Variants in FAS observed in about 807,000 individuals in gnomAD.
The protein encoded by FAS is tumor necrosis factor receptor superfamily member 6.
Under a neutral mutation model 33.2 loss-of-function variants are expected in FAS, and 5 were observed. That is an observed-to-expected ratio of 0.15 (90% confidence interval 0.08 to 0.32). The LOEUF (loss-of-function observed/expected upper bound fraction) is 0.32. FAS is among the 10% of genes least tolerant of loss of function. The pLI is 1.00. For missense variants in FAS, 339 were observed against 386.0 expected (o/e 0.88, Z 1.02); for synonymous variants, 131 against 130.7 (o/e 1.00, Z -0.01).
chr10:88,971,855 A>T (rs924474819), intron 1 of FAS, among the ~76,000 whole-genome samples: 1 of 151,856 alleles, frequency 6.6e-6, no homozygotes, highest in African/African-American at 2.4e-5. Context: ...CTAACAGTTT[A>T]TTTAAGCCAA....
chr10:89,012,204 G>GCAAGACTCCA, intron 7 of FAS, 123 bp downstream of exon 7: 4 of 859,730 alleles, frequency 4.7e-6, no homozygotes, highest in Non-Finnish European at 7.5e-6. Flanking sequence ...TTGAGATGGA[G>GCAAGACTCCA]TCTTGCTCCA....
At chr10:88,974,149 C>T (rs959798) in intron 2 of FAS, 1 of 151,810 alleles carries the variant, frequency 6.6e-6, no homozygotes, top group Non-Finnish European at 1.5e-5. Flanking sequence ...GCTTTAAATT[C>T]TTCTTAAATT....
At chr10:89,007,919 G>A (rs1848325384) in intron 3 of FAS, 82 bp downstream of exon 3, 1 of 1,592,478 alleles carries the variant, frequency 6.3e-7, no homozygotes, top group African/African-American at 1.3e-5. Context: ...TGAAATTGGG[G>A]CCTACTGTGG....
At chr10:88,982,447 G>A (rs1200938690), upstream of FAS, among the ~76,000 whole-genome samples, 1 of 151,222 alleles carries the variant, frequency 6.6e-6, no homozygotes, top group African/African-American at 2.4e-5. Flanking sequence ...TTTGAAATGA[G>A]GAAAGGAAGA....
At chr10:89,003,986 G>A (rs1415770479) in intron 2 of FAS, among the ~76,000 whole-genome samples, 1 of 152,136 alleles carries the variant, frequency 6.6e-6, no homozygotes, top group Non-Finnish European at 1.5e-5. Context: ...CAGTCTCCCT[G>A]TGCTTCATGT....
chr10:89,004,832 A>AAT lies in FAS; in HGVS notation c.196+1640_196+1641dup, dbSNP rs536185881. Among the ~76,000 whole-genome samples, 3 of 152,250 alleles carry AAT rather than the reference A, an allele frequency of 2.0e-5. No individual in the cohort carries two copies. In the South Asian group the frequency reaches 6.2e-4, roughly 32 times the overall value. Reference sequence around the variant, plus strand: ...TCCTGGATGGCATCCAACCATGTTAAATACTCTTCCCACTTCAATTCCCTC... The same window carrying AAT: ...TCCTGGATGGCATCCAACCATGTTAAATATACTCTTCCCACTTCAATTCCCTC... On this transcript the variant is annotated intron_variant, in intron 2 of 8. Transcript: ENST00000652046.
rs575572235 is a variant in FAS, at chr10:88,998,958, A to G, written c.31-4071A>G. Among the ~76,000 whole-genome samples, 4 of 152,050 alleles carry G rather than the reference A, an allele frequency of 2.6e-5. No homozygotes were observed. In the South Asian group the frequency reaches 8.3e-4, roughly 32 times the overall value. ...ATCACGGGGTCGAGAGATTGAGACC[A>G]TCTGGCCAACATGGTGAAACCCCGT... On this transcript the variant is annotated intron_variant, in intron 1 of 8. Coordinates refer to ENST00000652046, the MANE Select transcript of FAS (RefSeq NM_000043.6).
At chr10:88,991,814 T>C (rs1209620628) in intron 1 of FAS, among the ~76,000 whole-genome samples, 2 of 152,286 alleles carry the variant, frequency 1.3e-5, no homozygotes, top group South Asian at 2.1e-4. Context: ...CAGCCTGTTT[T>C]GAAAAGTCCC....
At chr10:89,002,216 T>A (rs960003375) in intron 1 of FAS, among the ~76,000 whole-genome samples, 1 of 152,240 alleles carries the variant, frequency 6.6e-6, no homozygotes, top group African/African-American at 2.4e-5. Flanking sequence ...GAAACTATTC[T>A]ACAAATATGA....
intron 2 of FAS, among the ~76,000 whole-genome samples, chr10:88,975,418 T>C (rs1399596609): frequency 6.6e-6 from 1 of 152,138 alleles, no homozygotes; most frequent in African/African-American, 2.4e-5. Flanking sequence ...CCTGAAAGTG[T>C]TTGTTTTTTT....
At chr10:88,965,851 T>C (rs1846309605) in intron 1 of FAS, among the ~76,000 whole-genome samples, 3 of 152,222 alleles carry the variant, frequency 2.0e-5, no homozygotes, top group South Asian at 4.1e-4. Context: ...ATCACCGTAA[T>C]GACTAACTTT....
At chr10:88,994,835 A>G (rs954545948) in intron 1 of FAS, among the ~76,000 whole-genome samples, 1 of 151,180 alleles carries the variant, frequency 6.6e-6, no homozygotes, top group Admixed American at 6.6e-5. Context: ...TTAATTTATT[A>G]CTTATTTTTA....
chr10:88,986,345 G>C (rs908503704), upstream of FAS, among the ~76,000 whole-genome samples: 1 of 152,170 alleles, frequency 6.6e-6, no homozygotes, highest in Non-Finnish European at 1.5e-5. Context: ...TGTCAGGGGA[G>C]GGGTACTCAA....
intron 1 of FAS, chr10:88,991,333 A>G: frequency 3.0e-6 from 1 of 332,282 alleles, no homozygotes; most frequent in East Asian, 5.9e-5. Flanking sequence ...AAGCCAAGCC[A>G]AAGGTCCGCT....
chr10:88,986,318 A>C (rs1159305120), upstream of FAS, among the ~76,000 whole-genome samples: 1 of 152,056 alleles, frequency 6.6e-6, no homozygotes, highest in Non-Finnish European at 1.5e-5. Context: ...TTTTCAGGGG[A>C]CCACCATATG....
chr10:88,998,327 T>C (rs1847719550), intron 1 of FAS, among the ~76,000 whole-genome samples: 1 of 139,000 alleles, frequency 7.2e-6, no homozygotes, highest in Non-Finnish European at 1.5e-5. Context: ...AAGCTTTATA[T>C]AGCTTTAGTT....
chr10:88,965,312 G>A (rs148486427), intron 1 of FAS, among the ~76,000 whole-genome samples: 148 of 152,220 alleles, frequency 9.7e-4, no homozygotes, highest in African/African-American at 3.3e-3. Context: ...CAGGAATTTG[G>A]TTAAGCAACT....
At chr10:89,008,554 G>C (rs1488113062) in intron 3 of FAS, among the ~76,000 whole-genome samples, 1 of 152,190 alleles carries the variant, frequency 6.6e-6, no homozygotes, top group African/African-American at 2.4e-5. Context: ...GTCTGGGGTA[G>C]AGCCTAACAT....
chr10:88,990,958 T>G lies in FAS; in HGVS notation c.30+52T>G. The G allele has an allele frequency of 1.2e-6, 2 of 1,612,964 alleles. No individual in the cohort carries two copies. Among genetic ancestry groups the G allele is most frequent in the Non-Finnish European group, 1.7e-6 (2 of 1,179,020 alleles). ...GCTTACCCCGTCTTAGTCCCGGGGA[T>G]AGGCAAAGTGGGGCGGGCGCGGGAC... On this transcript the variant is annotated intron_variant, in intron 1 of 8. Transcript: ENST00000652046. The surrounding 1 kb of genome is among the most constrained non-coding windows in gnomAD (Gnocchi z 4.9).
Sources: allele counts gnomAD v4.1 joint callset (sites outside exome capture counted in the v4.1 genomes callset), GRCh38; gene constraint gnomAD v4.1.1; non-coding constraint Gnocchi (gnomAD v3.1); transcripts MANE v1.5; gene names NCBI Gene and HGNC (gene_info 2026-07-23, HGNC 2026-07-21).